Variants in TPRG1 observed in about 807,000 individuals in gnomAD.
The protein encoded by TPRG1 is tumor protein p63-regulated gene 1 protein.
A neutral mutation model predicts 29.3 loss-of-function variants in TPRG1; 29 were observed. That is an observed-to-expected ratio of 0.99 (90% CI 0.74 to 1.35). The LOEUF (loss-of-function observed/expected upper bound fraction) is 1.35, where lower values mean the gene tolerates loss of function less well. TPRG1 is among the 40% of genes most tolerant of loss of function. The probability of loss-of-function intolerance (pLI) is 0.00; values close to 1 mark genes in which losing one functional copy is unlikely to be tolerated. For missense variants in TPRG1, 327 were observed against 335.0 expected, an observed-to-expected ratio of 0.98 and a Z score of 0.19; for synonymous variants, 130 against 116.8, an observed-to-expected ratio of 1.11 and a Z score of -0.73.
rs576683676 is a variant in TPRG1, at chr3:189,276,639, AGCTT to A, written c.480-33746_480-33743del. On this transcript the variant is annotated intron_variant, in intron 4 of 5. Coordinates refer to ENST00000345063, the MANE Select transcript of TPRG1 (RefSeq NM_198485.4). Reference sequence around the variant, plus strand: ...GTCTAAGGGATTTCATTTTAGGAAAAGCTTAATAGATCATGTGTATTAATCATAA... The same window carrying A: ...GTCTAAGGGATTTCATTTTAGGAAAAAATAGATCATGTGTATTAATCATAA... Among the ~76,000 whole-genome samples, 580 of 152,290 alleles carry A rather than the reference AGCTT, an allele frequency of 3.8e-3. 3 individuals carry two copies. Among genetic ancestry groups the A allele is most frequent in the Non-Finnish European group, 7.0e-3 (479 of 68,028 alleles).
chr3:189,156,935 A>T (rs577029457), intron 5 of TPRG1, among the ~76,000 whole-genome samples: 5 of 152,306 alleles, frequency 3.3e-5, no homozygotes, highest in African/African-American at 1.2e-4. Context: ...TTAAATTGAT[A>T]ATCACTGAAA....
At chr3:189,162,120 G>A (rs1420609173) in intron 5 of TPRG1, among the ~76,000 whole-genome samples, 3 of 152,116 alleles carry the variant, frequency 2.0e-5, no homozygotes, top group South Asian at 2.1e-4. Flanking sequence ...AGCCTCTCGA[G>A]TAGCTGGGAT....
At chr3:189,151,504 G>GAAAC (rs1725930732) in intron 5 of TPRG1, among the ~76,000 whole-genome samples, 1 of 151,928 alleles carries the variant, frequency 6.6e-6, no homozygotes, top group Non-Finnish European at 1.5e-5. Context: ...AACTCCTTTG[G>GAAAC]TTGTAAGAAA....
At chr3:189,269,986 C>T (rs1370546200) in intron 4 of TPRG1, among the ~76,000 whole-genome samples, 1 of 151,912 alleles carries the variant, frequency 6.6e-6, no homozygotes, top group African/African-American at 2.4e-5. Context: ...AAACAGGCTC[C>T]CTGACGTTGG....
At chr3:189,301,215 C>T (rs6444363) in intron 4 of TPRG1, among the ~76,000 whole-genome samples, 30,706 of 145,516 alleles carry the variant, frequency 0.21, 6,225 homozygotes, top group African/African-American at 0.54. Flanking sequence ...AGGAGAATCA[C>T]TTGAACCTGG....
chr3:189,171,208 T>C (rs1728775395), upstream of TPRG1, among the ~76,000 whole-genome samples: 1 of 152,258 alleles, frequency 6.6e-6, no homozygotes, highest in African/African-American at 2.4e-5. Flanking sequence ...ATATGCTTCC[T>C]TTCAAGTTCT....
intron 1 of TPRG1, among the ~76,000 whole-genome samples, chr3:189,204,681 A>G (rs922836501): frequency 6.6e-6 from 1 of 152,186 alleles, no homozygotes; most frequent in East Asian, 1.9e-4. Flanking sequence ...TTTTCCAGGC[A>G]CAGGAGCCTT....
At chr3:189,231,943 T>TTGTGTGTGTGTGTGTG (rs10576562) in intron 3 of TPRG1, among the ~76,000 whole-genome samples, 11,053 of 147,438 alleles carry the variant, frequency 0.075, 438 homozygotes, top group Middle Eastern at 0.11. Flanking sequence ...CAAACCTGGT[T>TTGTGTGTGTGTGTGTG]TGTGTGTGTG....
intron 4 of TPRG1, among the ~76,000 whole-genome samples, chr3:189,025,881 G>C (rs1363630615): frequency 6.6e-6 from 1 of 152,186 alleles, no homozygotes; most frequent in Non-Finnish European, 1.5e-5. Context: ...GCAAAATGGT[G>C]GATGATTTTT....
chr3:189,315,470 A>T (rs921999288), intron 5 of TPRG1: 1 of 452,842 alleles, frequency 2.2e-6, no homozygotes, highest in African/African-American at 2.0e-5. Context: ...TTTTTTAACC[A>T]TCGCTTTGCT....
chr3:189,189,737 C>T (rs975451979), intron 1 of TPRG1, among the ~76,000 whole-genome samples: 2 of 152,200 alleles, frequency 1.3e-5, no homozygotes, highest in East Asian at 3.8e-4. Flanking sequence ...CATGAGGCCT[C>T]TCCTAAATTG....
At chr3:189,027,413 A>G (rs1022245545) in intron 4 of TPRG1, among the ~76,000 whole-genome samples, 1 of 152,266 alleles carries the variant, frequency 6.6e-6, no homozygotes, top group Non-Finnish European at 1.5e-5. Context: ...GTAAATAGAA[A>G]GTCAGAACTA....
At chr3:189,296,728 G>A (rs1476780061) in intron 4 of TPRG1, among the ~76,000 whole-genome samples, 1 of 152,190 alleles carries the variant, frequency 6.6e-6, no homozygotes, top group African/African-American at 2.4e-5. Flanking sequence ...TGAAGAAATA[G>A]GTGTCTGTTG....
In TPRG1 at chr3:189,267,089, A is replaced by G. The variant is rs1576901479; in HGVS notation, c.479+28180A>G. Among the ~76,000 whole-genome samples the G allele has an allele frequency of 2.0e-5, 3 of 152,346 alleles. 1 individual carries two copies. In the East Asian group the frequency reaches 5.8e-4, roughly 29 times the overall value. ...TATATGATGGCAGTCCCACAAAATTATATCATATTTTACTGTACCCTATGT... is the reference window on the plus strand; with the variant it reads ...TATATGATGGCAGTCCCACAAAATTGTATCATATTTTACTGTACCCTATGT... On this transcript the variant is annotated intron_variant, in intron 4 of 5. Coordinates refer to ENST00000345063, the MANE Select transcript of TPRG1 (RefSeq NM_198485.4).
chr3:189,308,899 G>T (rs549076185), intron 4 of TPRG1, among the ~76,000 whole-genome samples: 3 of 151,928 alleles, frequency 2.0e-5, no homozygotes, highest in Non-Finnish European at 2.9e-5. Context: ...TTATTGTCAG[G>T]CCAGAAAAAA....
In TPRG1 at chr3:189,231,702, A is replaced by G. The variant is rs529380780; in HGVS notation, c.303-7031A>G. Among the ~76,000 whole-genome samples the G allele has an allele frequency of 8.5e-5, 13 of 152,288 alleles. No homozygotes were observed. The South Asian group carries it at 1.5e-3, about 17-fold the overall frequency. The stretch of plus-strand genomic sequence containing the variant: ...TACAGCTAGTAGGTGGCAGAGCTGC[A>G]TTTCCAACCCCAGACCTGTGTGATA... On this transcript the variant is annotated intron_variant, in intron 3 of 5. Transcript: ENST00000345063.
intron 3 of TPRG1, among the ~76,000 whole-genome samples, chr3:189,224,666 TG>T (rs775436549): frequency 9.8e-4 from 149 of 152,266 alleles, no homozygotes; most frequent in Non-Finnish European, 5.7e-4. Context: ...GAATTCTGAA[TG>T]GTAGCCTAAG....
At chr3:189,159,727 T>C (rs1578595549) in intron 5 of TPRG1, among the ~76,000 whole-genome samples, 1 of 152,122 alleles carries the variant, frequency 6.6e-6, no homozygotes, top group Admixed American at 6.5e-5. Context: ...CAGTGTGGAA[T>C]GGGCAATGAG....
chr3:189,001,570 A>C (rs1189944056), intron 2 of TPRG1, among the ~76,000 whole-genome samples: 2 of 152,170 alleles, frequency 1.3e-5, no homozygotes, highest in African/African-American at 4.8e-5. Flanking sequence ...CATCTTCATG[A>C]TCTACTTACC....
Sources: gnomAD v4.1 joint callset for allele counts (sites outside exome capture counted in the v4.1 genomes callset) on GRCh38, gnomAD v4.1.1 for gene constraint, MANE v1.5 for transcripts, NCBI Gene and HGNC (gene_info 2026-07-23, HGNC 2026-07-21) for gene names.